The following SRGAP2 variants were observed in gnomAD, a reference collection of about 807,000 sequenced individuals.
The protein encoded by SRGAP2 is SLIT-ROBO Rho GTPase-activating protein 2.
A neutral mutation model predicts 57.2 loss-of-function variants in SRGAP2; 15 were observed. That is an observed-to-expected ratio of 0.26 (90% CI 0.18 to 0.40). The LOEUF (loss-of-function observed/expected upper bound fraction) is 0.40, where lower values mean the gene tolerates loss of function less well. SRGAP2 is among the 10% of genes least tolerant of loss of function. SRGAP2 has a pLI of 1.00. For missense variants in SRGAP2, 520 were observed against 669.6 expected, an observed-to-expected ratio of 0.78 and a Z score of 2.47; for synonymous variants, 249 against 248.0, an observed-to-expected ratio of 1.00 and a Z score of -0.04.
chr1:206,372,947 CTTTCTTTCTTTTCTTTCCTTTCTTT>C (rs1336716300), intron 4 of SRGAP2, among the ~76,000 whole-genome samples: 195 of 11,026 alleles, frequency 0.018, 17 homozygotes, highest in African/African-American at 0.063. Flanking sequence ...TTCTTTCTTT[CTTTCTTTCTTTTCTTTCCTTTCTTT>C]CTTTCTTTCT....
chr1:206,413,923 TAAAC>T (rs1340975880), intron 10 of SRGAP2, among the ~76,000 whole-genome samples: 7 of 152,168 alleles, frequency 4.6e-5, no homozygotes, highest in Admixed American at 2.0e-4. Flanking sequence ...CTTTTGTTTT[TAAAC>T]AAGAGAGAGA....
rs1276657345 is a variant in SRGAP2 at position 206,319,187 on chromosome 1, G to A, written c.260+15714G>A. Among the ~76,000 whole-genome samples the A allele has an allele frequency of 8.8e-5, 13 of 147,888 alleles. No individual in the cohort carries two copies. The East Asian group carries it at 9.9e-4, about 11-fold the overall frequency. On this transcript the variant is annotated intron_variant, in intron 3 of 22. Transcript: ENST00000573034. The stretch of plus-strand genomic sequence containing the variant: ...AGCACTTTGGGAGGCCGAGGCGGGC[G>A]GATCACGAGGTCAGGAGATCGAGAC...
intron 17 of SRGAP2, among the ~76,000 whole-genome samples, chr1:206,444,699 A>G (rs1007490102): frequency 6.6e-6 from 1 of 152,216 alleles, no homozygotes; most frequent in Admixed American, 6.5e-5. Flanking sequence ...AAGTAGACTT[A>G]GAAACTTCCC....
At chr1:206,204,910 C>CCCG (rs1553300692) in intron 1 of SRGAP2, 1 of 134,880 alleles carries the variant, frequency 7.4e-6, no homozygotes, top group Non-Finnish European at 1.5e-5. Context: ...CAGATTTGCC[C>CCCG]CCCCCCCCAT....
intron 20 of SRGAP2, chr1:206,453,936 T>G (rs1663584982): frequency 1.8e-6 from 1 of 545,556 alleles, no homozygotes; most frequent in East Asian, 3.0e-5. Flanking sequence ...GGGAAAAGGA[T>G]GTCAAGGAAC....
intron 3 of SRGAP2, among the ~76,000 whole-genome samples, chr1:206,327,806 A>ACTC (rs1674062832): frequency 1.1e-5 from 1 of 88,650 alleles, no homozygotes. Context: ...ACACTGAATC[A>ACTC]TTTTTTTTTT....
intron 19 of SRGAP2, 123 bp from the exon 20 acceptor site, chr1:206,453,077 G>T (rs1553376617): frequency 4.5e-6 from 2 of 446,512 alleles, no homozygotes; most frequent in Non-Finnish European, 4.1e-6. Context: ...ATCATCCATG[G>T]CTTCGTTTTC....
chr1:206,308,243 C>T lies in SRGAP2; in HGVS notation c.260+4770C>T, dbSNP rs1428094138. Among the ~76,000 whole-genome samples, 23 of 54,054 alleles carry T rather than the reference C, an allele frequency of 4.3e-4. No homozygotes were observed. The South Asian group carries it at 9.2e-3, about 22-fold the overall frequency. The allele number at this position is 54,054 out of a possible 152,430, so 35.5% of individuals were successfully genotyped here. On this transcript the variant is annotated intron_variant, in intron 3 of 22. Coordinates refer to ENST00000573034, the MANE Select transcript of SRGAP2 (RefSeq NM_015326.5). ...GTGGTTGGAGAGAAGATTTTGAATACAGGAAGCAATTAGAGCATAAAGCAG... is the reference window on the plus strand; with the variant it reads ...GTGGTTGGAGAGAAGATTTTGAATATAGGAAGCAATTAGAGCATAAAGCAG...
intron 14 of SRGAP2, among the ~76,000 whole-genome samples, chr1:206,432,315 A>G (rs3849275): frequency 0.47 from 70,821 of 151,980 alleles, 16,812 homozygotes; most frequent in East Asian, 0.7. Context: ...GCACATTTAT[A>G]TGTTACTAAT....
At chr1:206,307,914 G>T (rs1197270754) in intron 3 of SRGAP2, among the ~76,000 whole-genome samples, 79 of 152,322 alleles carry the variant, frequency 5.2e-4, no homozygotes, top group South Asian at 1.0e-3. Context: ...GTGCAGGGGG[G>T]GGTGCTGAAG....
intron 3 of SRGAP2, among the ~76,000 whole-genome samples, chr1:206,312,833 TTGG>T (rs1672758396): frequency 6.6e-6 from 1 of 151,976 alleles, no homozygotes. Context: ...TGCATTTTCT[TTGG>T]CTCCTTGAAG....
chr1:206,416,633 T>A (rs1659725767), intron 11 of SRGAP2, among the ~76,000 whole-genome samples: 1 of 152,198 alleles, frequency 6.6e-6, no homozygotes, highest in Non-Finnish European at 1.5e-5. Flanking sequence ...TCTCCTCAAC[T>A]GTCAAACAGA....
At chr1:206,418,616 T>A (rs977008028) in intron 11 of SRGAP2, among the ~76,000 whole-genome samples, 2 of 152,184 alleles carry the variant, frequency 1.3e-5, no homozygotes, top group Non-Finnish European at 2.9e-5. Context: ...GCATATATAT[T>A]TTTTTAAAAC....
intron 3 of SRGAP2, among the ~76,000 whole-genome samples, chr1:206,306,292 C>T (rs1672191528): frequency 6.6e-6 from 1 of 151,896 alleles, no homozygotes; most frequent in Admixed American, 6.6e-5. Context: ...TTTCTTCCTT[C>T]TGGTGGGTTC....
chr1:206,384,289 C>G (rs1226881323), intron 5 of SRGAP2, among the ~76,000 whole-genome samples: 2 of 151,126 alleles, frequency 1.3e-5, no homozygotes, highest in African/African-American at 4.9e-5. Context: ...GTTTTCTCCT[C>G]AGCTATGCAA....
intron 13 of SRGAP2, among the ~76,000 whole-genome samples, chr1:206,427,791 G>A (rs1026156834): frequency 6.6e-6 from 1 of 152,140 alleles, no homozygotes; most frequent in Non-Finnish European, 1.5e-5. Flanking sequence ...CTGAATTATT[G>A]TACATTCAGC....
At chr1:206,289,498 C>T (rs1286081223) in intron 2 of SRGAP2, among the ~76,000 whole-genome samples, 6 of 151,858 alleles carry the variant, frequency 4.0e-5, no homozygotes, top group South Asian at 2.1e-4. Flanking sequence ...AGGATGGTCT[C>T]GATCTCCTGA....
intron 2 of SRGAP2, among the ~76,000 whole-genome samples, chr1:206,287,407 GGA>G (rs1271793104): frequency 3.8e-5 from 5 of 132,180 alleles, no homozygotes; most frequent in African/African-American, 1.5e-4. Flanking sequence ...TAGGAAGCAA[GGA>G]GAGATAGAAA....
rs1167999369 is a variant in SRGAP2 at position 206,374,192 on chromosome 1, C to CT, written c.424-9813dup. On this transcript the variant is annotated intron_variant, in intron 4 of 22. Coordinates refer to ENST00000573034, the MANE Select transcript of SRGAP2 (RefSeq NM_015326.5). ...GGCGCCCGCCACTACGCCCGGCTAA[C>CT]TTTTTTTTTGTATTTTTAGTAGAGA... Among the ~76,000 whole-genome samples, 7 of 149,892 alleles carry CT rather than the reference C, an allele frequency of 4.7e-5. No homozygotes were observed. The East Asian group carries it at 7.9e-4, about 17-fold the overall frequency.
Sources: gnomAD v4.1 joint callset for allele counts (sites outside exome capture counted in the v4.1 genomes callset) on GRCh38, gnomAD v4.1.1 for gene constraint, MANE v1.5 for transcripts, NCBI Gene and HGNC (gene_info 2026-07-23, HGNC 2026-07-21) for gene names.